The following ARHGEF3 variants were observed in gnomAD, a reference collection of about 807,000 sequenced individuals.
The protein encoded by ARHGEF3 is 59.8 kDA protein.
Under a neutral mutation model 63.2 loss-of-function variants are expected in ARHGEF3, and 28 were observed. That is an observed-to-expected ratio of 0.44 (90% confidence interval 0.33 to 0.61). The LOEUF is 0.61. Ranked by LOEUF, ARHGEF3 falls within the 20% of genes least tolerant of loss-of-function variation. The pLI is 0.03. For synonymous variants in ARHGEF3, 266 were observed against 254.2 expected, an observed-to-expected ratio of 1.05 and a Z score of -0.44; for missense variants, 533 against 659.3, an observed-to-expected ratio of 0.81 and a Z score of 2.10.
chr3:56,870,508 C>T lies in ARHGEF3; in HGVS notation c.192+11784G>A, dbSNP rs74488409. Among the ~76,000 whole-genome samples the T allele has an allele frequency of 6.1e-3, 934 of 152,204 alleles. 10 individuals carry two copies. Among genetic ancestry groups the T allele is most frequent in the African/African-American group, 0.021 (890 of 41,522 alleles). On this transcript the variant is annotated intron_variant, in intron 4 of 12. Transcript: ENST00000338458. ...TAGGTGGAACAGAGGATTTTCAGGG[C>T]AGTGAAAGCATTCTGTATGAAACCA...
intron 3 of ARHGEF3, among the ~76,000 whole-genome samples, chr3:56,887,977 G>C (rs1578765204): frequency 6.6e-6 from 1 of 152,160 alleles, no homozygotes; most frequent in East Asian, 1.9e-4. Flanking sequence ...TGGCAAAAGG[G>C]CAGCCAAAAT....
chr3:56,895,416 A>G (rs998276450), intron 3 of ARHGEF3, among the ~76,000 whole-genome samples: 4 of 152,110 alleles, frequency 2.6e-5, no homozygotes, highest in African/African-American at 4.8e-5. Flanking sequence ...GCGGACATAC[A>G]GAAAGAGGCT....
rs528425714 is a variant in ARHGEF3 at position 56,946,557 on chromosome 3, C to A, written c.129+12266G>T. On this transcript the variant is annotated intron_variant, in intron 3 of 12. Transcript: ENST00000338458. ...GGAACATCAAATGAATGAAATGAAGCGAGAAGAAAAGTTTAGAGAAAAAAG... is the reference window on the plus strand; with the variant it reads ...GGAACATCAAATGAATGAAATGAAGAGAGAAGAAAAGTTTAGAGAAAAAAG... Among the ~76,000 whole-genome samples the A allele has an allele frequency of 2.0e-4, 30 of 151,900 alleles. No individual in the cohort carries two copies. The South Asian group carries it at 4.8e-3, about 24-fold the overall frequency.
At chr3:56,928,001 A>G (rs2042319355) in intron 3 of ARHGEF3, among the ~76,000 whole-genome samples, 1 of 152,192 alleles carries the variant, frequency 6.6e-6, no homozygotes, top group Admixed American at 6.5e-5. Context: ...AGCTAGATTG[A>G]CATGCAGGAA....
chr3:56,979,353 T>A (rs1701239381), intron 2 of ARHGEF3, among the ~76,000 whole-genome samples: 1 of 152,234 alleles, frequency 6.6e-6, no homozygotes, highest in African/African-American at 2.4e-5. Context: ...CTGCAGTGGT[T>A]GGGACAGGTT....
chr3:56,731,144 A>AAGG (rs552915913), intron 9 of ARHGEF3, among the ~76,000 whole-genome samples: 21 of 152,322 alleles, frequency 1.4e-4, no homozygotes, highest in African/African-American at 4.6e-4. Flanking sequence ...CAGTAGGGAG[A>AAGG]AGGCAGTACA....
chr3:56,768,954 C>T (rs1209467118), intron 2 of ARHGEF3, among the ~76,000 whole-genome samples: 1 of 152,144 alleles, frequency 6.6e-6, no homozygotes, highest in Non-Finnish European at 1.5e-5. Context: ...CTGTGAGGAA[C>T]CCAAAACTAG....
intron 1 of ARHGEF3, among the ~76,000 whole-genome samples, chr3:57,070,991 AG>A (rs1236454948): frequency 8.0e-6 from 1 of 125,078 alleles, no homozygotes; most frequent in African/African-American, 2.8e-5. Context: ...AAAAAAAGAA[AG>A]AAAGAAAGAA....
chr3:56,975,906 G>T, intron 2 of ARHGEF3: 1 of 268,716 alleles, frequency 3.7e-6, no homozygotes. Flanking sequence ...AAATATCCAT[G>T]GAGATTAATG....
chr3:56,993,320 A>AC lies in ARHGEF3; in HGVS notation c.63-34432dup, dbSNP rs1295918582. Among the ~76,000 whole-genome samples the AC allele has an allele frequency of 1.1e-4, 16 of 152,144 alleles. No homozygotes were observed. In the South Asian group the frequency reaches 2.5e-3, roughly 24 times the overall value. ...CATTAGCAATGGGAGCAGGAAGAAG[A>AC]CCCCAACCAGAGGCTGATCCTTAAC... On this transcript the variant is annotated intron_variant, in intron 2 of 12. Coordinates refer to the ARHGEF3 transcript ENST00000338458.
intron 2 of ARHGEF3, among the ~76,000 whole-genome samples, chr3:56,969,125 G>A (rs1178148166): frequency 2.0e-5 from 3 of 150,706 alleles, no homozygotes; most frequent in South Asian, 2.1e-4. Context: ...ATCATCTTTA[G>A]GTCACAAATG....
chr3:56,985,848 G>T (rs1701515163), intron 2 of ARHGEF3, among the ~76,000 whole-genome samples: 2 of 152,158 alleles, frequency 1.3e-5, no homozygotes, highest in Admixed American at 1.3e-4. Flanking sequence ...TGGGGCTGGG[G>T]GTGGGCAAGG....
intron 2 of ARHGEF3, among the ~76,000 whole-genome samples, chr3:57,001,356 G>A (rs1287929753): frequency 1.3e-5 from 2 of 152,168 alleles, no homozygotes; most frequent in Non-Finnish European, 2.9e-5. Flanking sequence ...ATTAATTTAC[G>A]CATTCTCCTG....
At chr3:56,916,637 G>C (rs142820314) in intron 3 of ARHGEF3, among the ~76,000 whole-genome samples, 1 of 152,314 alleles carries the variant, frequency 6.6e-6, no homozygotes, top group Non-Finnish European at 1.5e-5. Flanking sequence ...CAGCCTGTAA[G>C]AGACAAACAG....
At chr3:57,051,524 A>G (rs112100954) in intron 1 of ARHGEF3, among the ~76,000 whole-genome samples, 1,738 of 152,300 alleles carry the variant, frequency 0.011, 19 homozygotes, top group Non-Finnish European at 0.018. Context: ...TGATTTTGTA[A>G]TTACAGATAA....
chr3:56,870,184 T>A (rs1442613498), intron 4 of ARHGEF3, among the ~76,000 whole-genome samples: 1 of 152,168 alleles, frequency 6.6e-6, no homozygotes, highest in African/African-American at 2.4e-5. Flanking sequence ...CCATCTGTTT[T>A]ATGCAATAAT....
chr3:57,045,574 A>C (rs1342800588), intron 1 of ARHGEF3, among the ~76,000 whole-genome samples: 2 of 152,188 alleles, frequency 1.3e-5, no homozygotes, highest in Non-Finnish European at 2.9e-5. Context: ...CATATGCCAG[A>C]CACCCTGCTG....
chr3:56,907,783 G>A (rs1408796638), intron 3 of ARHGEF3, among the ~76,000 whole-genome samples: 1 of 152,142 alleles, frequency 6.6e-6, no homozygotes, highest in African/African-American at 2.4e-5. Context: ...ACCAAATACT[G>A]TATGTTCTCA....
intron 1 of ARHGEF3, chr3:57,074,673 T>G: frequency 1.0e-5 from 2 of 196,758 alleles, no homozygotes; most frequent in Non-Finnish European, 2.3e-5. Flanking sequence ...AGTAATTACT[T>G]TCCCTCTGGG....
Sources: gnomAD v4.1 joint callset for allele counts (sites outside exome capture counted in the v4.1 genomes callset) on GRCh38, gnomAD v4.1.1 for gene constraint, MANE v1.5 for transcripts, NCBI Gene and HGNC (gene_info 2026-07-23, HGNC 2026-07-21) for gene names.